SOX6: variants seen among roughly 807,000 people sequenced by gnomAD.
SOX6 encodes transcription factor SOX-6.
Under a neutral mutation model 97.8 loss-of-function variants are expected in SOX6, and 11 were observed. The observed-to-expected ratio is 0.11, with a 90% confidence interval of 0.07 to 0.19. SOX6 has a LOEUF of 0.19. SOX6 is among the 10% of genes least tolerant of loss of function. The pLI is 1.00. For synonymous variants in SOX6, 360 were observed against 371.4 expected (o/e 0.97, Z 0.35); for missense variants, 810 against 1,039.5 (o/e 0.78, Z 3.04).
intron 4 of SOX6, among the ~76,000 whole-genome samples, chr11:16,517,885 G>A (rs1349961908): frequency 2.0e-5 from 3 of 152,090 alleles, no homozygotes; most frequent in African/African-American, 4.8e-5. Context: ...TTTCCAAAAT[G>A]ATTCTCAAAT....
chr11:16,240,315 T>TGTGTGTGG (rs1048756319), intron 3 of SOX6, among the ~76,000 whole-genome samples: 1 of 146,952 alleles, frequency 6.8e-6, no homozygotes, highest in East Asian at 2.0e-4. Context: ...TGTGTGTGTG[T>TGTGTGTGG]GGCAGTGGAA....
chr11:16,423,968 T>C (rs2133067756), intron 1 of SOX6, among the ~76,000 whole-genome samples: 1 of 152,320 alleles, frequency 6.6e-6, no homozygotes, highest in Middle Eastern at 3.4e-3. Context: ...TGTTAAGTGC[T>C]GTGATGAGCC....
At chr11:16,518,570 C>G (rs553404370) in intron 4 of SOX6, among the ~76,000 whole-genome samples, 39 of 152,258 alleles carry the variant, frequency 2.6e-4, no homozygotes, top group Non-Finnish European at 4.4e-4. Context: ...TAGAAGAGTT[C>G]TCTGAATATC....
intron 4 of SOX6, among the ~76,000 whole-genome samples, chr11:16,547,032 C>G (rs1847629219): frequency 6.6e-6 from 1 of 152,066 alleles, no homozygotes; most frequent in Non-Finnish European, 1.5e-5. Context: ...CACTAATCAT[C>G]AAGGAAATGC....
At chr11:16,629,245 TC>T (rs1848670271) in intron 3 of SOX6, among the ~76,000 whole-genome samples, 1 of 152,128 alleles carries the variant, frequency 6.6e-6, no homozygotes, top group South Asian at 2.1e-4. Context: ...AATAGATGGG[TC>T]TTTTTATTTT....
At chr11:16,061,423 G>A (rs1057065351) in intron 9 of SOX6, among the ~76,000 whole-genome samples, 1 of 151,494 alleles carries the variant, frequency 6.6e-6, no homozygotes, top group Non-Finnish European at 1.5e-5. Context: ...ACATCCAATG[G>A]TCATGGATTA....
At chr11:16,112,969 G>A (rs1165592985) in intron 6 of SOX6, among the ~76,000 whole-genome samples, 2 of 151,968 alleles carry the variant, frequency 1.3e-5, no homozygotes, top group African/African-American at 4.8e-5. Context: ...GGTATAAAAG[G>A]GCTATATTAT....
chr11:16,632,050 T>C (rs1399453377), intron 3 of SOX6, among the ~76,000 whole-genome samples: 9 of 152,212 alleles, frequency 5.9e-5, no homozygotes, highest in Non-Finnish European at 2.9e-5. Context: ...TTGCAATCCA[T>C]GCTTTGAATT....
intron 12 of SOX6, among the ~76,000 whole-genome samples, chr11:16,032,935 G>A: frequency 6.6e-6 from 1 of 152,152 alleles, no homozygotes; most frequent in East Asian, 1.9e-4. Context: ...CCAAGGGATT[G>A]ATCAGGACGG....
chr11:16,662,760 C>T (rs1236751488), intron 3 of SOX6, among the ~76,000 whole-genome samples: 1 of 152,172 alleles, frequency 6.6e-6, no homozygotes, highest in Non-Finnish European at 1.5e-5. Context: ...GTGGCATAAT[C>T]ATGGTTCACT....
chr11:16,081,239 G>A (rs1434443603), intron 9 of SOX6, among the ~76,000 whole-genome samples: 1 of 152,058 alleles, frequency 6.6e-6, no homozygotes, highest in East Asian at 1.9e-4. Flanking sequence ...CCCCTAGACT[G>A]TATTTCACAG....
chr11:16,197,762 T>C (rs139557343), intron 4 of SOX6, among the ~76,000 whole-genome samples: 126 of 152,198 alleles, frequency 8.3e-4, no homozygotes, highest in African/African-American at 2.9e-3. Flanking sequence ...CAGAAAATAA[T>C]GGAATGTCAA....
chr11:16,245,404 G>A (rs1326653153), intron 3 of SOX6, among the ~76,000 whole-genome samples: 1 of 151,606 alleles, frequency 6.6e-6, no homozygotes, highest in African/African-American at 2.4e-5. Context: ...TTATCCAGAT[G>A]TTTTTTAGTG....
chr11:16,267,722 T>G (rs1475976136), intron 3 of SOX6, among the ~76,000 whole-genome samples: 1 of 151,598 alleles, frequency 6.6e-6, no homozygotes, highest in Non-Finnish European at 1.5e-5. Context: ...AAAATCAGTA[T>G]GTCAAAGAGA....
chr11:16,550,101 T>C (rs1847665694), intron 4 of SOX6, among the ~76,000 whole-genome samples: 1 of 151,964 alleles, frequency 6.6e-6, no homozygotes. Context: ...ATTAAGAAAA[T>C]GTGGCACATA....
At chr11:16,493,683 T>G (rs1177748288) in intron 4 of SOX6, among the ~76,000 whole-genome samples, 1 of 152,184 alleles carries the variant, frequency 6.6e-6, no homozygotes, top group Non-Finnish European at 1.5e-5. Context: ...CTCGAATGCC[T>G]AATATTTAAA....
chr11:16,539,277 C>A (rs987655662), intron 4 of SOX6, among the ~76,000 whole-genome samples: 6 of 152,066 alleles, frequency 3.9e-5, no homozygotes, highest in Non-Finnish European at 7.4e-5. Flanking sequence ...CCAATGAGAA[C>A]AAAGACACAA....
chr11:16,687,207 G>A (rs182745069), intron 3 of SOX6, among the ~76,000 whole-genome samples: 94 of 152,346 alleles, frequency 6.2e-4, no homozygotes, highest in African/African-American at 2.3e-3. Context: ...AGGCTGTACA[G>A]GAAGCACAGT....
chr11:16,686,981 C>T (rs1474503698), intron 3 of SOX6, among the ~76,000 whole-genome samples: 1 of 151,814 alleles, frequency 6.6e-6, no homozygotes, highest in Non-Finnish European at 1.5e-5. Context: ...AAAAATTAGC[C>T]AGGCGTGGTG....
Sources: allele counts gnomAD v4.1 joint callset (sites outside exome capture counted in the v4.1 genomes callset), GRCh38; gene constraint gnomAD v4.1.1; transcripts MANE v1.5; gene names NCBI Gene and HGNC (gene_info 2026-07-23, HGNC 2026-07-21).